Variants in KALRN observed in about 807,000 individuals in gnomAD.
KALRN encodes the protein kalirin.
KALRN carries 70 observed loss-of-function variants against 353.7 expected under a neutral mutation model. That is an observed-to-expected ratio of 0.20 (90% CI 0.16 to 0.24). KALRN has a LOEUF of 0.24. Ranked by LOEUF, KALRN falls within the 10% of genes least tolerant of loss-of-function variation. The pLI, the probability that KALRN is intolerant of heterozygous loss-of-function variation, is 1.00. For missense variants in KALRN, 2,791 were observed against 3,756.7 expected (o/e 0.74, Z 6.72); for synonymous variants, 1,391 against 1,434.8 (o/e 0.97, Z 0.69).
intron 25 of KALRN, among the ~76,000 whole-genome samples, chr3:124,469,670 C>T (rs761023486): frequency 5.9e-5 from 9 of 152,162 alleles, no homozygotes; most frequent in Non-Finnish European, 1.3e-4. Flanking sequence ...ACCCCATTTC[C>T]GACTTAATTT....
chr3:124,093,276 G>T (rs2061233530), intron 1 of KALRN, among the ~76,000 whole-genome samples: 1 of 152,224 alleles, frequency 6.6e-6, no homozygotes, highest in South Asian at 2.1e-4. Flanking sequence ...GCCTCCAGTT[G>T]CCTGATGGAG....
At chr3:124,663,599 G>A (rs1013841810) in intron 45 of KALRN, among the ~76,000 whole-genome samples, 12 of 152,134 alleles carry the variant, frequency 7.9e-5, no homozygotes, top group African/African-American at 2.9e-4. Context: ...TTATTGATTG[G>A]TACCTAGTAG....
chr3:124,122,260 A>T (rs904767784), intron 1 of KALRN, among the ~76,000 whole-genome samples: 1 of 151,902 alleles, frequency 6.6e-6, no homozygotes, highest in African/African-American at 2.4e-5. Flanking sequence ...TGCTGCTGTG[A>T]TTGTGTCCTT....
intron 1 of KALRN, among the ~76,000 whole-genome samples, chr3:124,199,642 A>G (rs566595055): frequency 1.2e-4 from 19 of 152,358 alleles, no homozygotes; most frequent in South Asian, 1.0e-3. Flanking sequence ...AGAGTAAAGG[A>G]TCTTGTGCAG....
intron 34 of KALRN, among the ~76,000 whole-genome samples, chr3:124,622,890 C>G (rs1211040334): frequency 1.3e-5 from 2 of 151,756 alleles, no homozygotes; most frequent in Non-Finnish European, 1.5e-5. Flanking sequence ...ATTTCAGAAT[C>G]GTTTGGCAAA....
At chr3:124,507,630 C>T (rs923702200) in intron 33 of KALRN, among the ~76,000 whole-genome samples, 21 of 152,200 alleles carry the variant, frequency 1.4e-4, no homozygotes, top group Admixed American at 1.4e-3. Context: ...ACTTCTATTT[C>T]TGCCCAGTCT....
chr3:124,154,732 A>G (rs2068714366), intron 1 of KALRN, among the ~76,000 whole-genome samples: 1 of 152,180 alleles, frequency 6.6e-6, no homozygotes, highest in Admixed American at 6.5e-5. Flanking sequence ...GCTACCAATG[A>G]CTTTCTTCAC....
At chr3:124,456,823 T>C in intron 23 of KALRN, 95 bp downstream of exon 23, 2 of 759,622 alleles carry the variant, frequency 2.6e-6, no homozygotes, top group Admixed American at 4.3e-5. Flanking sequence ...TATGTTCTCA[T>C]GGCCACCTAC....
chr3:124,220,731 T>C (rs1297373086), intron 1 of KALRN, among the ~76,000 whole-genome samples: 4 of 152,156 alleles, frequency 2.6e-5, no homozygotes, highest in African/African-American at 9.7e-5. Context: ...CCTGCTACTG[T>C]CCCAGCAGAT....
At chr3:124,626,430 A>G (rs2079964173) in intron 34 of KALRN, among the ~76,000 whole-genome samples, 1 of 152,234 alleles carries the variant, frequency 6.6e-6, no homozygotes, top group South Asian at 2.1e-4. Flanking sequence ...GGTGATGAGT[A>G]CATAGATGTC....
chr3:124,535,768 AAAT>A (rs1436035843), intron 33 of KALRN, among the ~76,000 whole-genome samples: 1 of 152,194 alleles, frequency 6.6e-6, no homozygotes, highest in African/African-American at 2.4e-5. Flanking sequence ...ACACCGGCTT[AAAT>A]AACAGAGAAG....
chr3:124,312,430 G>A (rs1298559878), intron 6 of KALRN, among the ~76,000 whole-genome samples: 2 of 152,110 alleles, frequency 1.3e-5, no homozygotes, highest in South Asian at 2.1e-4. Flanking sequence ...CAAAATGCTG[G>A]GATCACAGGT....
intron 51 of KALRN, among the ~76,000 whole-genome samples, chr3:124,693,579 C>A (rs2061922682): frequency 6.6e-6 from 1 of 152,146 alleles, no homozygotes; most frequent in Non-Finnish European, 1.5e-5. Flanking sequence ...CGCTGCCAGG[C>A]AGGAATGTGA....
At chr3:124,368,637 A>G (rs1171145932) in intron 10 of KALRN, among the ~76,000 whole-genome samples, 38 of 125,402 alleles carry the variant, frequency 3.0e-4, no homozygotes, top group East Asian at 1.0e-3. Flanking sequence ...AGGCAGAGAC[A>G]CTCCTCACTT....
intron 5 of KALRN, among the ~76,000 whole-genome samples, chr3:124,297,290 G>C (rs951786889): frequency 2.0e-5 from 3 of 152,222 alleles, no homozygotes; most frequent in Non-Finnish European, 4.4e-5. Flanking sequence ...TCTGTTCTCA[G>C]CTGTTTCCTG....
chr3:124,587,146 C>A (rs2075279548), intron 34 of KALRN, among the ~76,000 whole-genome samples: 1 of 152,174 alleles, frequency 6.6e-6, no homozygotes, highest in Non-Finnish European at 1.5e-5. Context: ...AGGGGACTGA[C>A]TGCCTCCCTT....
chr3:124,351,577 G>A (rs1375709299), intron 10 of KALRN, among the ~76,000 whole-genome samples: 1 of 152,132 alleles, frequency 6.6e-6, no homozygotes, highest in Admixed American at 6.5e-5. Flanking sequence ...TCAACAGAGG[G>A]AATGGCTACC....
chr3:124,136,958 C>G (rs906329465), intron 1 of KALRN, among the ~76,000 whole-genome samples: 1 of 152,032 alleles, frequency 6.6e-6, no homozygotes, highest in Admixed American at 6.6e-5. Flanking sequence ...CTGAGCAGAC[C>G]CGGATGATTA....
In KALRN at chr3:124,717,526, A is replaced by T. The variant is rs79339247; in HGVS notation, c.8415+141A>T. ...ACGGTGAAACCCCGTCTCTACTAAA[A>T]ATACAAAAAATACAAAAAAATTAGC... is the stretch of plus-strand genomic sequence containing the variant. On this transcript the variant is annotated intron_variant, in intron 59 of 59. Transcript: ENST00000682506. 4.6e-3 allele frequency: 2,211 copies of T among 475,978 alleles called. 33 individuals are homozygous for T. The highest frequency in any genetic ancestry group is 0.038 in the African/African-American group (1,924 of 50,684). 29.5% of individuals were successfully genotyped at this position (475,978 alleles called of 1,614,324 possible). A position where few individuals can be genotyped will look rare whatever the true frequency, so the allele number is the denominator to read the frequency against.
Sources: gnomAD v4.1 joint callset for allele counts (sites outside exome capture counted in the v4.1 genomes callset) on GRCh38, gnomAD v4.1.1 for gene constraint, MANE v1.5 for transcripts, NCBI Gene and HGNC (gene_info 2026-07-23, HGNC 2026-07-21) for gene names.